The following PTPRT variants were observed in gnomAD, a reference collection of about 807,000 sequenced individuals.
The protein encoded by PTPRT is protein tyrosine phosphatase receptor type T.
A neutral mutation model predicts 176.8 loss-of-function variants in PTPRT; 56 were observed. The ratio of observed to expected loss-of-function variants is 0.32; its 90% CI spans 0.26 to 0.40. PTPRT has a LOEUF of 0.40. Ranked by LOEUF, PTPRT falls within the 10% of genes least tolerant of loss-of-function variation. The pLI is 1.00. For synonymous variants in PTPRT, 783 were observed against 739.0 expected, an observed-to-expected ratio of 1.06 and a Z score of -0.96; for missense variants, 1,540 against 1,908.2, an observed-to-expected ratio of 0.81 and a Z score of 3.60.
rs142785586 is a variant in PTPRT, at chr20:42,158,917, G to T, written c.2682+2435C>A. ...GTTCATTTCCATGCTAGAAAGTTTG[G>T]AAAATACAAAAGGGTACAACGAAGA... On this transcript the variant is annotated intron_variant, in intron 17 of 30. Transcript: ENST00000373187. Among the ~76,000 whole-genome samples, 288 of 152,238 alleles carry T rather than the reference G, an allele frequency of 1.9e-3. 2 individuals carry two copies. In the Middle Eastern group the frequency reaches 0.048, roughly 25 times the overall value.
At chr20:42,363,300 A>ATAT (rs1248285783) in intron 9 of PTPRT, among the ~76,000 whole-genome samples, 27 of 30,554 alleles carry the variant, frequency 8.8e-4, no homozygotes, top group African/African-American at 1.7e-3. Context: ...ATATATATAT[A>ATAT]TTTTTTTTTT....
chr20:42,147,695 T>C (rs1988933613), intron 17 of PTPRT, among the ~76,000 whole-genome samples: 1 of 152,096 alleles, frequency 6.6e-6, no homozygotes, highest in South Asian at 2.1e-4. Context: ...AAAACAGTTG[T>C]GATAAGTGGG....
At chr20:42,965,960 G>C (rs941449516) in intron 1 of PTPRT, among the ~76,000 whole-genome samples, 2 of 152,168 alleles carry the variant, frequency 1.3e-5, no homozygotes, top group Admixed American at 6.5e-5. Flanking sequence ...AAGCTAGAAG[G>C]TGCAGAAAAG....
intron 1 of PTPRT, among the ~76,000 whole-genome samples, chr20:43,073,844 T>C (rs577044209): frequency 3.3e-5 from 5 of 152,108 alleles, no homozygotes; most frequent in African/African-American, 9.6e-5. Context: ...CTTGAACTCC[T>C]GGGCTGAAGA....
intron 18 of PTPRT, among the ~76,000 whole-genome samples, chr20:42,129,818 T>C (rs1430842600): frequency 6.6e-6 from 1 of 152,238 alleles, no homozygotes; most frequent in African/African-American, 2.4e-5. Context: ...GGCACATTTA[T>C]TGCAATTAAC....
In PTPRT at chr20:42,074,153, G is replaced by C. The variant is rs1982550048; in HGVS notation, c.*6726C>G. ...GGAATGACACCACTCTGCCCTCTAAGCCTCCAGACTGCCCTGGGGCCTTTG... is the reference window on the plus strand; with the variant it reads ...GGAATGACACCACTCTGCCCTCTAACCCTCCAGACTGCCCTGGGGCCTTTG... On this transcript the variant is annotated 3_prime_UTR_variant, in exon 31 of 31. Coordinates refer to ENST00000373187, the MANE Select transcript of PTPRT (RefSeq NM_007050.6). 1 of 228,080 alleles carries C rather than the reference G, an allele frequency of 4.4e-6. No individual in the cohort carries two copies. Among genetic ancestry groups the C allele is most frequent in the Non-Finnish European group, 8.7e-6 (1 of 114,846 alleles). 14.1% of individuals were successfully genotyped at this position (228,080 alleles called of 1,614,324 possible). A position where few individuals can be genotyped will look rare whatever the true frequency, so the allele number is the denominator to read the frequency against.
intron 6 of PTPRT, among the ~76,000 whole-genome samples, chr20:42,730,342 A>G (rs762842994): frequency 2.0e-5 from 3 of 152,212 alleles, no homozygotes; most frequent in Non-Finnish European, 4.4e-5. Context: ...AGCTGACTTC[A>G]GACATAGCTG....
chr20:42,470,850 C>T (rs2071181855), intron 8 of PTPRT, among the ~76,000 whole-genome samples: 1 of 151,608 alleles, frequency 6.6e-6, no homozygotes, highest in South Asian at 2.1e-4. Context: ...GCAGTAGTGG[C>T]TCTAGGTTCT....
At chr20:43,112,898 T>A (rs1053035482) in intron 1 of PTPRT, among the ~76,000 whole-genome samples, 1 of 152,018 alleles carries the variant, frequency 6.6e-6, no homozygotes, top group Admixed American at 6.6e-5. Flanking sequence ...TAAACGTATC[T>A]CCTGGGGTTT....
intron 7 of PTPRT, among the ~76,000 whole-genome samples, chr20:42,556,885 C>T (rs1423881344): frequency 3.3e-5 from 5 of 152,154 alleles, no homozygotes; most frequent in Admixed American, 2.6e-4. Context: ...AGCTGCATAT[C>T]ATGATGTGCC....
chr20:42,994,939 G>A (rs1200340308), intron 1 of PTPRT, among the ~76,000 whole-genome samples: 1 of 152,184 alleles, frequency 6.6e-6, no homozygotes, highest in Non-Finnish European at 1.5e-5. Flanking sequence ...TTATGTGATG[G>A]GGGAATAAAC....
intron 12 of PTPRT, among the ~76,000 whole-genome samples, chr20:42,288,341 T>TTTTTG (rs58449778): frequency 2.0e-5 from 3 of 150,478 alleles, no homozygotes; most frequent in East Asian, 2.0e-4. Context: ...CTGCAGAGTT[T>TTTTTG]TTTTGTTTTG....
the PTPRT span, among the ~76,000 whole-genome samples, chr20:42,045,656 T>C: frequency 7.4e-5 from 3 of 40,664 alleles, no homozygotes. Flanking sequence ...TGGAAAGTCC[T>C]TTTTTTTTTC....
intron 9 of PTPRT, 108 bp from the exon 10 acceptor site, chr20:42,352,393 T>C: frequency 9.2e-7 from 1 of 1,088,376 alleles, no homozygotes; most frequent in Non-Finnish European, 1.4e-6. Flanking sequence ...GGCAGGCATG[T>C]GAACTTGGCC....
chr20:42,485,311 T>TAAA (rs2071448615), intron 7 of PTPRT, among the ~76,000 whole-genome samples: 1 of 151,662 alleles, frequency 6.6e-6, no homozygotes, highest in African/African-American at 2.4e-5. Flanking sequence ...TTAAAGAAAT[T>TAAA]AAAGGAAAAG....
chr20:42,190,543 C>T (rs1356748364), intron 16 of PTPRT, among the ~76,000 whole-genome samples: 1 of 152,186 alleles, frequency 6.6e-6, no homozygotes, highest in African/African-American at 2.4e-5. Flanking sequence ...AGAAGAAGGG[C>T]TTGAGTCTGA....
chr20:42,162,712 C>G (rs890846798), intron 16 of PTPRT, among the ~76,000 whole-genome samples: 2 of 152,236 alleles, frequency 1.3e-5, no homozygotes, highest in Non-Finnish European at 2.9e-5. Context: ...GGTACCCACT[C>G]GGCCTATGCC....
At chr20:42,063,329 C>T in the PTPRT span, among the ~76,000 whole-genome samples, 2 of 152,170 alleles carry the variant, frequency 1.3e-5, no homozygotes, top group Non-Finnish European at 2.9e-5. Context: ...GCACTTGTTC[C>T]ACAACCCCAA....
chr20:42,276,760 T>C (rs1385437452), intron 13 of PTPRT, among the ~76,000 whole-genome samples: 1 of 151,460 alleles, frequency 6.6e-6, no homozygotes, highest in African/African-American at 2.4e-5. Context: ...ATCTTCCACA[T>C]AGGCTTGTAT....
Sources: allele counts gnomAD v4.1 joint callset (sites outside exome capture counted in the v4.1 genomes callset), GRCh38; gene constraint gnomAD v4.1.1; transcripts MANE v1.5; gene names NCBI Gene and HGNC (gene_info 2026-07-23, HGNC 2026-07-21).